TLK1: variants seen among roughly 807,000 people sequenced by gnomAD.
TLK1 encodes serine/threonine-protein kinase tousled-like 1.
TLK1 carries 24 observed loss-of-function variants against 105.3 expected under a neutral mutation model. The observed-to-expected ratio is 0.23, with a 90% CI of 0.17 to 0.32. The LOEUF (loss-of-function observed/expected upper bound fraction) is 0.32. Ranked by LOEUF, TLK1 falls within the 10% of genes least tolerant of loss-of-function variation. The pLI, the probability that TLK1 is intolerant of heterozygous loss-of-function variation, is 1.00. For missense variants in TLK1, 558 were observed against 910.5 expected (o/e 0.61, Z 4.98); for synonymous variants, 321 against 310.4 (o/e 1.03, Z -0.36).
chr2:171,156,517 T>C (rs548515716), intron 1 of TLK1, among the ~76,000 whole-genome samples: 1 of 152,366 alleles, frequency 6.6e-6, no homozygotes, highest in Admixed American at 6.5e-5. Flanking sequence ...GGCTAAAGCA[T>C]AGTCTATTTC....
chr2:171,066,930 A>G (rs539642445), intron 3 of TLK1: 2 of 1,545,674 alleles, frequency 1.3e-6, no homozygotes, highest in Admixed American at 2.0e-5. Context: ...ACACTTTCAG[A>G]TAATTTATTC....
chr2:171,171,397 G>A (rs1444140864), intron 1 of TLK1, among the ~76,000 whole-genome samples: 2 of 151,472 alleles, frequency 1.3e-5, no homozygotes, highest in African/African-American at 4.8e-5. Context: ...GGGTGCAGTG[G>A]TATGCACCTG....
At chr2:171,008,227 T>G (rs1313289321) in intron 14 of TLK1, among the ~76,000 whole-genome samples, 2 of 152,262 alleles carry the variant, frequency 1.3e-5, no homozygotes, top group African/African-American at 4.8e-5. Flanking sequence ...GCTGAGTGAC[T>G]CTGTGCTAAT....
chr2:171,120,734 C>T (rs769054602), intron 1 of TLK1, among the ~76,000 whole-genome samples: 13 of 152,272 alleles, frequency 8.5e-5, no homozygotes, highest in Non-Finnish European at 1.3e-4. Flanking sequence ...AACAGTATAG[C>T]GGTTCCTCAA....
Position 171,051,632 on chromosome 2 carries a change from T to C in TLK1, c.733-1458A>G, listed in dbSNP as rs1361677860. 1.3e-5 allele frequency among the ~76,000 whole-genome samples: 2 copies of C among 152,156 alleles called. 1 individual carries two copies. Among genetic ancestry groups the C allele is most frequent in the Non-Finnish European group, 2.9e-5 (2 of 68,020 alleles). On this transcript the variant is annotated intron_variant, in intron 8 of 20. Coordinates refer to ENST00000431350, the MANE Select transcript of TLK1 (RefSeq NM_012290.5). Reference sequence around the variant, plus strand: ...TATCTGAGCTGCCCACTTCTGTTCTTCTCTTGAAAAATAAGCTTCTATCTC... The same window carrying C: ...TATCTGAGCTGCCCACTTCTGTTCTCCTCTTGAAAAATAAGCTTCTATCTC...
chr2:171,040,898 A>T (rs1382094406), intron 11 of TLK1, among the ~76,000 whole-genome samples: 1 of 152,122 alleles, frequency 6.6e-6, no homozygotes, highest in African/African-American at 2.4e-5. Flanking sequence ...CTTAATTTAA[A>T]ATTAAAGCTA....
At chr2:171,046,759 G>A (rs1686982096) in intron 10 of TLK1, among the ~76,000 whole-genome samples, 1 of 152,098 alleles carries the variant, frequency 6.6e-6, no homozygotes, top group Non-Finnish European at 1.5e-5. Context: ...ACCTAGTGTA[G>A]TGATCATCAC....
At chr2:171,069,197 T>C (rs1334337315) in intron 3 of TLK1, among the ~76,000 whole-genome samples, 1 of 152,180 alleles carries the variant, frequency 6.6e-6, no homozygotes, top group East Asian at 1.9e-4. Flanking sequence ...ATATACTATC[T>C]TAGTTATATG....
intron 1 of TLK1, among the ~76,000 whole-genome samples, chr2:171,119,955 G>C (rs191475152): frequency 6.6e-6 from 1 of 152,000 alleles, no homozygotes; most frequent in Non-Finnish European, 1.5e-5. Flanking sequence ...GGCAACTAAA[G>C]AAAAAATAGG....
At chr2:171,000,467 C>T (rs1281287039) in intron 18 of TLK1, among the ~76,000 whole-genome samples, 1 of 149,536 alleles carries the variant, frequency 6.7e-6, no homozygotes, top group Non-Finnish European at 1.5e-5. Context: ...TTAATTAATA[C>T]ATATTTTATA....
intron 12 of TLK1, 92 bp from the exon 13 acceptor site, chr2:171,015,040 G>A: frequency 3.3e-6 from 3 of 915,580 alleles, no homozygotes; most frequent in Non-Finnish European, 3.5e-6. Flanking sequence ...TTACAGTGAT[G>A]GGAAGAATAG....
intron 1 of TLK1, among the ~76,000 whole-genome samples, chr2:171,221,570 C>T (rs1693810867): frequency 6.6e-6 from 1 of 152,180 alleles, no homozygotes; most frequent in Admixed American, 6.5e-5. Flanking sequence ...TTTTTCTAGT[C>T]TTCCCTTCCT....
chr2:171,205,529 G>A (rs1159755990), intron 1 of TLK1, among the ~76,000 whole-genome samples: 2 of 152,106 alleles, frequency 1.3e-5, no homozygotes, highest in Non-Finnish European at 1.5e-5. Flanking sequence ...TTGCCATGTT[G>A]CCCAGGCTGG....
upstream of TLK1, among the ~76,000 whole-genome samples, chr2:171,162,808 T>C (rs961410762): frequency 2.0e-5 from 3 of 152,204 alleles, no homozygotes; most frequent in African/African-American, 7.2e-5. Context: ...TTTTTTGTTT[T>C]TTGTTTTTGA....
chr2:171,200,974 C>T (rs541179503), intron 1 of TLK1, among the ~76,000 whole-genome samples: 55 of 151,366 alleles, frequency 3.6e-4, no homozygotes, highest in African/African-American at 5.3e-4. Flanking sequence ...CTCCACCTCC[C>T]GGGTTCAAAC....
chr2:171,046,561 C>T (rs1410557294), intron 10 of TLK1, among the ~76,000 whole-genome samples, 199 bp from the exon 11 acceptor site: 1 of 152,052 alleles, frequency 6.6e-6, no homozygotes, highest in Admixed American at 6.5e-5. Flanking sequence ...TTCTCTAAAC[C>T]CCTAGATTAG....
chr2:171,127,270 C>T (rs1690906918), intron 1 of TLK1, among the ~76,000 whole-genome samples: 3 of 136,906 alleles, frequency 2.2e-5, no homozygotes, highest in Admixed American at 2.2e-4. Flanking sequence ...GAGTGAGACT[C>T]CCGTCTCAAA....
chr2:171,219,398 C>T (rs1013805365), intron 1 of TLK1, among the ~76,000 whole-genome samples: 2 of 152,138 alleles, frequency 1.3e-5, no homozygotes, highest in African/African-American at 4.8e-5. Context: ...TTAGTTCAGG[C>T]TGCTATAACA....
chr2:171,054,541 G>A (rs1385063115), intron 7 of TLK1: 1 of 152,336 alleles, frequency 6.6e-6, no homozygotes, highest in African/African-American at 2.4e-5. Context: ...CACAAATACA[G>A]TCTAATAGAA....
Sources: gnomAD v4.1 joint callset for allele counts (sites outside exome capture counted in the v4.1 genomes callset) on GRCh38, gnomAD v4.1.1 for gene constraint, MANE v1.5 for transcripts, NCBI Gene and HGNC (gene_info 2026-07-23, HGNC 2026-07-21) for gene names.